Variants in GCNT1 observed in about 807,000 individuals in gnomAD.
The protein encoded by GCNT1 is beta-1,3-galactosyl-O-glycosyl-glycoprotein beta-1,6-N-acetylglucosaminyltransferase.
A neutral mutation model predicts 26.2 loss-of-function variants in GCNT1; 16 were observed. That is an observed-to-expected ratio of 0.61 (90% confidence interval 0.41 to 0.93). The LOEUF (loss-of-function observed/expected upper bound fraction) is 0.93, where lower values mean the gene tolerates loss of function less well. GCNT1 is among the 40% of genes least tolerant of loss of function. The pLI is 0.00. For missense variants in GCNT1, 477 were observed against 526.7 expected (o/e 0.91, Z 0.92); for synonymous variants, 183 against 190.8 (o/e 0.96, Z 0.34).
intron 1 of GCNT1, among the ~76,000 whole-genome samples, chr9:76,435,365 G>A (rs555919606): frequency 5.3e-5 from 8 of 152,256 alleles, no homozygotes; most frequent in South Asian, 2.1e-4. Context: ...AAGAGCCTAC[G>A]TTGAAATTTT....
chr9:76,448,716 C>T (rs1474582407), intron 1 of GCNT1, among the ~76,000 whole-genome samples: 2 of 152,188 alleles, frequency 1.3e-5, no homozygotes, highest in African/African-American at 4.8e-5. Context: ...ATGAATCAAA[C>T]GGTCTGTACT....
upstream of GCNT1, among the ~76,000 whole-genome samples, chr9:76,438,047 A>G (rs369892843): frequency 1.3e-5 from 2 of 152,224 alleles, no homozygotes; most frequent in African/African-American, 2.4e-5. Flanking sequence ...ATTTTTGTCC[A>G]TTTGAACCCA....
intron 2 of GCNT1, among the ~76,000 whole-genome samples, chr9:76,469,293 G>A (rs909662849): frequency 2.6e-5 from 4 of 152,206 alleles, no homozygotes; most frequent in African/African-American, 7.2e-5. Flanking sequence ...AGCTGGGAAG[G>A]TAACCGCATC....
rs373960713 is a variant in GCNT1 at position 76,470,840 on chromosome 9, G to A, written c.-290+10663G>A. On this transcript the variant is annotated intron_variant, in intron 2 of 3. Coordinates refer to ENST00000376730, the MANE Select transcript of GCNT1 (RefSeq NM_001490.5). ...TCTTCTGGTTAGTCCAAGATTCAGC[G>A]GGGGTCAGGTGATCAAGAATTTCCT... Among the ~76,000 whole-genome samples, 83 of 152,148 alleles carry A rather than the reference G, an allele frequency of 5.5e-4. 3 individuals are homozygous for A. In the South Asian group the frequency reaches 0.016, roughly 30 times the overall value.
intron 1 of GCNT1, among the ~76,000 whole-genome samples, chr9:76,450,768 T>A (rs1823652904): frequency 6.6e-6 from 1 of 152,210 alleles, no homozygotes; most frequent in Non-Finnish European, 1.5e-5. Context: ...ATTTGAAAAA[T>A]TAATTTTTGC....
At chr9:76,461,230 G>A (rs144626362) in intron 2 of GCNT1, among the ~76,000 whole-genome samples, 1 of 138,104 alleles carries the variant, frequency 7.2e-6, no homozygotes. Context: ...GAATAGCTGA[G>A]AACTTTTACT....
At chr9:76,396,179 T>C in the GCNT1 span, among the ~76,000 whole-genome samples, 6 of 152,182 alleles carry the variant, frequency 3.9e-5, no homozygotes, top group Non-Finnish European at 7.3e-5. Context: ...AATAATTAAA[T>C]GAATCATAGG....
At chr9:76,407,652 A>G in the GCNT1 span, among the ~76,000 whole-genome samples, 1 of 152,238 alleles carries the variant, frequency 6.6e-6, no homozygotes, top group East Asian at 1.9e-4. Context: ...ATATCACAAA[A>G]TAACTTGCTG....
intron 2 of GCNT1, among the ~76,000 whole-genome samples, chr9:76,468,085 A>G: frequency 6.6e-6 from 1 of 151,768 alleles, no homozygotes; most frequent in East Asian, 1.9e-4. Context: ...TAGTAAATAC[A>G]GGGTCTCACC....
At chr9:76,491,856 C>T (rs1824746779) in intron 2 of GCNT1, among the ~76,000 whole-genome samples, 3 of 152,158 alleles carry the variant, frequency 2.0e-5, no homozygotes, top group African/African-American at 7.2e-5. Context: ...GGAGTAGCGC[C>T]TGGTATCTAA....
chr9:76,425,391 T>A (rs1320149614), intron 1 of GCNT1, among the ~76,000 whole-genome samples: 1 of 151,760 alleles, frequency 6.6e-6, no homozygotes, highest in Non-Finnish European at 1.5e-5. Flanking sequence ...CCCGTCTAAT[T>A]TTTGTACTTT....
intron 2 of GCNT1, among the ~76,000 whole-genome samples, chr9:76,492,187 T>C (rs1425540524): frequency 6.6e-6 from 1 of 152,134 alleles, no homozygotes; most frequent in Non-Finnish European, 1.5e-5. Flanking sequence ...TTGAGTTTGT[T>C]CCTTCCAATG....
intron 1 of GCNT1, among the ~76,000 whole-genome samples, chr9:76,444,155 T>A (rs1399844193): frequency 6.6e-6 from 1 of 151,984 alleles, no homozygotes; most frequent in Admixed American, 6.6e-5. Flanking sequence ...GAGAAGAAGA[T>A]AAGGAGCTGC....
intron 2 of GCNT1, among the ~76,000 whole-genome samples, chr9:76,471,582 A>G (rs1824133249): frequency 1.3e-5 from 2 of 152,208 alleles, no homozygotes; most frequent in Admixed American, 6.5e-5. Context: ...CAGAAAACTT[A>G]TGAGTTCCCT....
the GCNT1 span, among the ~76,000 whole-genome samples, chr9:76,411,524 T>G: frequency 6.6e-6 from 1 of 150,738 alleles, no homozygotes; most frequent in South Asian, 2.1e-4. Flanking sequence ...AGATAGTATC[T>G]CACTATGTTG....
At chr9:76,397,143 A>G in the GCNT1 span, among the ~76,000 whole-genome samples, 9 of 152,290 alleles carry the variant, frequency 5.9e-5, no homozygotes, top group East Asian at 9.7e-4. Flanking sequence ...TTAGCCAGGC[A>G]TGGCAGTGAA....
chr9:76,440,997 G>A (rs1246675421), upstream of GCNT1, among the ~76,000 whole-genome samples: 3 of 148,098 alleles, frequency 2.0e-5, no homozygotes, highest in Non-Finnish European at 3.0e-5. Context: ...CCCGGGAGGC[G>A]GAGGTTGCAG....
chr9:76,402,389 A>G, the GCNT1 span, among the ~76,000 whole-genome samples: 3 of 152,224 alleles, frequency 2.0e-5, no homozygotes, highest in African/African-American at 7.2e-5. Context: ...AAATTCATAA[A>G]AGACATTTTT....
At chr9:76,496,535 A>T (rs72747374) in intron 2 of GCNT1, among the ~76,000 whole-genome samples, 1 of 151,166 alleles carries the variant, frequency 6.6e-6, no homozygotes, top group Non-Finnish European at 1.5e-5. Flanking sequence ...CCATCTTCCC[A>T]CTCCATTAAG....
Sources: allele counts gnomAD v4.1 joint callset (sites outside exome capture counted in the v4.1 genomes callset), GRCh38; gene constraint gnomAD v4.1.1; transcripts MANE v1.5; gene names NCBI Gene and HGNC (gene_info 2026-07-23, HGNC 2026-07-21).